KDM4C: variants seen among roughly 807,000 people sequenced by gnomAD.
The protein encoded by KDM4C is lysine-specific demethylase 4C.
A neutral mutation model predicts 129.3 loss-of-function variants in KDM4C; 81 were observed. The ratio of observed to expected loss-of-function variants is 0.63; its 90% confidence interval spans 0.52 to 0.75. KDM4C has a LOEUF of 0.75. Ranked by LOEUF, KDM4C falls within the 30% of genes least tolerant of loss-of-function variation. The pLI is 0.00. For missense variants in KDM4C, 1,457 were observed against 1,304.0 expected (o/e 1.12, Z -1.81); for synonymous variants, 573 against 456.1 (o/e 1.26, Z -3.26).
At chr9:6,873,894 A>G (rs150750276) in intron 5 of KDM4C, among the ~76,000 whole-genome samples, 224 of 151,818 alleles carry the variant, frequency 1.5e-3, no homozygotes, top group Non-Finnish European at 2.4e-3. Flanking sequence ...TTTCTTGAAC[A>G]CTTAGAGGCG....
At chr9:6,779,317 A>G (rs1429060027) in intron 1 of KDM4C, among the ~76,000 whole-genome samples, 4 of 152,180 alleles carry the variant, frequency 2.6e-5, no homozygotes, top group Non-Finnish European at 2.9e-5. Context: ...TGCCTGGCTG[A>G]TTAAAGTCTT....
At chr9:6,856,539 C>CGTGT (rs201267627) in intron 5 of KDM4C, among the ~76,000 whole-genome samples, 17,221 of 131,368 alleles carry the variant, frequency 0.13, 1,183 homozygotes, top group African/African-American at 0.16. Flanking sequence ...TCTCTGTGTG[C>CGTGT]GTGTGTGTGT....
intron 3 of KDM4C, among the ~76,000 whole-genome samples, chr9:6,806,883 C>T (rs1158898337): frequency 1.6e-5 from 1 of 61,078 alleles, no homozygotes; most frequent in Non-Finnish European, 4.0e-5. Flanking sequence ...TCTCCGTCTC[C>T]CTCTCCCTCT....
rs192075782 is a variant in KDM4C, at chr9:6,815,805, C to A, written c.435+1060C>A. On this transcript the variant is annotated intron_variant, in intron 4 of 21. Coordinates refer to ENST00000381309, the MANE Select transcript of KDM4C (RefSeq NM_015061.6). The stretch of plus-strand genomic sequence containing the variant: ...CTGACATCTGAAATACCTCTGGGCC[C>A]AAGCATTATGGGTAAGGGATACTTG... Among the ~76,000 whole-genome samples the A allele has an allele frequency of 2.0e-4, 31 of 152,296 alleles. No individual in the cohort carries two copies. In the East Asian group the frequency reaches 4.6e-3, roughly 23 times the overall value.
At chr9:6,954,375 G>A (rs533333846) in intron 8 of KDM4C, among the ~76,000 whole-genome samples, 1 of 152,096 alleles carries the variant, frequency 6.6e-6, no homozygotes, top group South Asian at 2.1e-4. Flanking sequence ...CTGTATTTTC[G>A]TAGAACTCTG....
At chr9:7,106,879 G>C (rs918215148) in intron 18 of KDM4C, among the ~76,000 whole-genome samples, 18 of 152,126 alleles carry the variant, frequency 1.2e-4, no homozygotes, top group Middle Eastern at 3.4e-3. Context: ...AAATTCATCT[G>C]ATTTGTTAAT....
In KDM4C at chr9:6,831,530, A is replaced by T. The variant is rs565906706; in HGVS notation, c.435+16785A>T. Among the ~76,000 whole-genome samples, 39 of 151,938 alleles carry T rather than the reference A, an allele frequency of 2.6e-4. 1 individual carries two copies. The highest frequency in any genetic ancestry group is 2.6e-3 in the Admixed American group (39 of 15,260). On this transcript the variant is annotated intron_variant, in intron 4 of 21. Coordinates refer to ENST00000381309, the MANE Select transcript of KDM4C (RefSeq NM_015061.6). ...GCTAATTTTTGTATTTTTAGTAGAG[A>T]TGGGGTTTCACCATGTTGGCCAGGC... is the stretch of plus-strand genomic sequence containing the variant.
intron 4 of KDM4C, among the ~76,000 whole-genome samples, chr9:6,849,063 A>T (rs924076085): frequency 6.6e-6 from 1 of 152,164 alleles, no homozygotes; most frequent in Non-Finnish European, 1.5e-5. Context: ...TCTTGATGTG[A>T]TATGTGATGG....
chr9:7,021,357 C>G (rs1466917239), intron 15 of KDM4C, among the ~76,000 whole-genome samples: 5 of 151,930 alleles, frequency 3.3e-5, no homozygotes, highest in Non-Finnish European at 5.9e-5. Flanking sequence ...GTTGGCCAGG[C>G]TGGTCTCGAA....
chr9:7,007,427 C>T (rs1484083399), intron 12 of KDM4C, among the ~76,000 whole-genome samples: 1 of 152,164 alleles, frequency 6.6e-6, no homozygotes, highest in Non-Finnish European at 1.5e-5. Flanking sequence ...TCTGGCAAAC[C>T]TTGCAGACAT....
intron 4 of KDM4C, among the ~76,000 whole-genome samples, chr9:6,815,616 T>C (rs1292590313): frequency 6.6e-6 from 1 of 152,208 alleles, no homozygotes; most frequent in African/African-American, 2.4e-5. Context: ...AGGTTAAGCA[T>C]CCTTCATCCA....
chr9:6,745,396 C>T (rs1331585404), intron 1 of KDM4C, among the ~76,000 whole-genome samples: 2 of 151,876 alleles, frequency 1.3e-5, no homozygotes. Context: ...CACAGTGGTT[C>T]ATGACCAGCC....
chr9:6,961,367 G>C (rs1830021731), intron 8 of KDM4C, among the ~76,000 whole-genome samples: 1 of 152,092 alleles, frequency 6.6e-6, no homozygotes, highest in African/African-American at 2.4e-5. Flanking sequence ...TGGCTTGCAT[G>C]CATATATAGT....
chr9:7,015,294 A>G (rs1823457093), intron 14 of KDM4C, among the ~76,000 whole-genome samples: 1 of 152,138 alleles, frequency 6.6e-6, no homozygotes. Context: ...TCAGAGTGAC[A>G]TGTGTTCCTT....
At chr9:7,103,458 A>G (rs988856726) in intron 17 of KDM4C, among the ~76,000 whole-genome samples, 3 of 152,216 alleles carry the variant, frequency 2.0e-5, no homozygotes, top group African/African-American at 4.8e-5. Context: ...ATAGTTAAAC[A>G]TATGTCTGGC....
rs977905860 is a variant in KDM4C at position 6,991,693 on chromosome 9, T to A, written c.1786+1169T>A. Among the ~76,000 whole-genome samples, 4 of 82,790 alleles carry A rather than the reference T, an allele frequency of 4.8e-5. No individual in the cohort carries two copies. The East Asian group carries it at 1.2e-3, about 25-fold the overall frequency. 54.3% of individuals were successfully genotyped at this position (82,790 alleles called of 152,430 possible). A position where few individuals can be genotyped will look rare whatever the true frequency, so the allele number is the denominator to read the frequency against. Reference sequence around the variant, plus strand: ...GAGTAGGTAGATATCTTTCACAGATTTTTTCCCCCTTTCACTCACTTTTCA... The same window carrying A: ...GAGTAGGTAGATATCTTTCACAGATATTTTCCCCCTTTCACTCACTTTTCA... On this transcript the variant is annotated intron_variant, in intron 12 of 21. Coordinates refer to ENST00000381309, the MANE Select transcript of KDM4C (RefSeq NM_015061.6).
intron 18 of KDM4C, among the ~76,000 whole-genome samples, chr9:7,122,914 T>C (rs1041448178): frequency 1.3e-5 from 2 of 152,234 alleles, no homozygotes; most frequent in Admixed American, 6.5e-5. Context: ...GATGCCTGTC[T>C]TCTCTGATCA....
chr9:7,105,524 G>A (rs1053626813), intron 18 of KDM4C: 10 of 466,564 alleles, frequency 2.1e-5, no homozygotes, highest in Non-Finnish European at 3.6e-5. Flanking sequence ...TTCCTGTTTC[G>A]AGGATAAGAA....
At chr9:6,925,626 TACCA>T in intron 8 of KDM4C, 1 of 985,468 alleles carries the variant, frequency 1.0e-6, no homozygotes, top group Non-Finnish European at 1.2e-6. Flanking sequence ...TTGGCTTGTT[TACCA>T]TCAGCCCTTC....
Sources: gnomAD v4.1 joint callset for allele counts (sites outside exome capture counted in the v4.1 genomes callset) on GRCh38, gnomAD v4.1.1 for gene constraint, MANE v1.5 for transcripts, NCBI Gene and HGNC (gene_info 2026-07-23, HGNC 2026-07-21) for gene names.